MYO16: variants seen among roughly 807,000 people sequenced by gnomAD.
MYO16 encodes the protein unconventional myosin-XVI.
MYO16 carries 94 observed loss-of-function variants against 205.3 expected under a neutral mutation model. The ratio of observed to expected loss-of-function variants is 0.46; its 90% CI spans 0.39 to 0.54. The LOEUF is 0.54. Ranked by LOEUF, MYO16 falls within the 20% of genes least tolerant of loss-of-function variation. The pLI is 0.00. For missense variants in MYO16, 2,315 were observed against 2,387.5 expected (o/e 0.97, Z 0.63); for synonymous variants, 988 against 954.0 (o/e 1.04, Z -0.66).
chr13:108,753,061 T>C (rs1885293048), intron 4 of MYO16, among the ~76,000 whole-genome samples: 2 of 151,826 alleles, frequency 1.3e-5, no homozygotes, highest in Non-Finnish European at 2.9e-5. Context: ...AAAAAGATAA[T>C]AATGAAAATT....
intron 1 of MYO16, among the ~76,000 whole-genome samples, chr13:108,618,024 G>A (rs1879410485): frequency 6.6e-6 from 1 of 152,066 alleles, no homozygotes; most frequent in Non-Finnish European, 1.5e-5. Flanking sequence ...TCAAGCTATT[G>A]CTTCCTGAGA....
chr13:108,874,867 G>A (rs1879251505), intron 12 of MYO16, among the ~76,000 whole-genome samples: 1 of 152,080 alleles, frequency 6.6e-6, no homozygotes, highest in Non-Finnish European at 1.5e-5. Context: ...TGCGAAACCA[G>A]CAGCCCAGGG....
intron 7 of MYO16, among the ~76,000 whole-genome samples, chr13:108,812,258 C>T (rs1488664940): frequency 6.6e-6 from 1 of 152,138 alleles, no homozygotes; most frequent in East Asian, 1.9e-4. Context: ...ACAGCCTTAC[C>T]ACAACTTGCG....
intron 33 of MYO16, among the ~76,000 whole-genome samples, chr13:109,173,950 G>GGC (rs1555338663): frequency 3.4e-5 from 5 of 146,918 alleles, no homozygotes; most frequent in Non-Finnish European, 6.0e-5. Context: ...GTTTTGATGG[G>GGC]GGGGGGTACT....
At position 108,792,416 on chromosome 13, in the gene MYO16, G is replaced by A. The variant is rs192035459; in HGVS notation, c.617-1100G>A. On this transcript the variant is annotated intron_variant, in intron 5 of 34. Coordinates refer to ENST00000457511, the MANE Select transcript of MYO16 (RefSeq NM_001198950.3). ...TAATGTTAACACTCGCATAGCCATGGTACACTTATCAAAACTAAAAAGTTA... is the reference window on the plus strand; with the variant it reads ...TAATGTTAACACTCGCATAGCCATGATACACTTATCAAAACTAAAAAGTTA... 3.3e-5 allele frequency among the ~76,000 whole-genome samples: 5 copies of A among 151,972 alleles called. No individual in the cohort carries two copies. In the East Asian group the frequency reaches 7.7e-4, roughly 23 times the overall value.
intron 34 of MYO16, among the ~76,000 whole-genome samples, chr13:109,201,071 T>C (rs1222457499): frequency 1.3e-5 from 2 of 152,188 alleles, no homozygotes; most frequent in African/African-American, 4.8e-5. Context: ...TGCTTTACTT[T>C]GTCTTGTTAG....
At chr13:109,022,358 G>T (rs867656803) in intron 23 of MYO16, among the ~76,000 whole-genome samples, 6 of 64,472 alleles carry the variant, frequency 9.3e-5, no homozygotes, top group Admixed American at 2.1e-4. Flanking sequence ...AAATATATAT[G>T]TATATATGTA....
intron 2 of MYO16, among the ~76,000 whole-genome samples, chr13:108,683,635 C>A (rs1166609974): frequency 6.6e-6 from 1 of 152,182 alleles, no homozygotes; most frequent in Non-Finnish European, 1.5e-5. Context: ...ACAACTGCCT[C>A]TGTTTCCTTC....
chr13:108,707,584 A>C (rs1883560371), intron 2 of MYO16, among the ~76,000 whole-genome samples: 1 of 152,170 alleles, frequency 6.6e-6, no homozygotes, highest in Non-Finnish European at 1.5e-5. Flanking sequence ...CTTAATATGC[A>C]TGTATTGAGA....
intron 12 of MYO16, among the ~76,000 whole-genome samples, chr13:108,875,114 A>G (rs922364297): frequency 6.6e-6 from 1 of 152,222 alleles, no homozygotes. Flanking sequence ...ACTAGAGTCC[A>G]TCTAAGATTA....
intron 9 of MYO16, among the ~76,000 whole-genome samples, chr13:108,841,350 G>C (rs528321761): frequency 3.0e-4 from 45 of 152,248 alleles, no homozygotes; most frequent in Admixed American, 2.9e-3. Context: ...TGAAACATTT[G>C]GACATCCATA....
intron 16 of MYO16, among the ~76,000 whole-genome samples, chr13:108,930,383 GATGGTTAT>G (rs1192636058): frequency 2.6e-5 from 4 of 152,116 alleles, no homozygotes; most frequent in Non-Finnish European, 2.9e-5. Flanking sequence ...ATCAATAATA[GATGGTTAT>G]TTGACTTACA....
At chr13:108,850,110 T>C (rs963249882) in intron 10 of MYO16, among the ~76,000 whole-genome samples, 2 of 151,716 alleles carry the variant, frequency 1.3e-5, no homozygotes, top group Non-Finnish European at 2.9e-5. Flanking sequence ...CCAAATCCTG[T>C]TGAATTTCCT....
chr13:108,889,051 C>CAA (rs879777464), intron 14 of MYO16, among the ~76,000 whole-genome samples: 1 of 127,036 alleles, frequency 7.9e-6, no homozygotes, highest in South Asian at 2.5e-4. Flanking sequence ...AACTCTGTCT[C>CAA]AAAAAAAAAA....
At chr13:109,170,350 C>T (rs1309895141) in intron 33 of MYO16, among the ~76,000 whole-genome samples, 1 of 152,084 alleles carries the variant, frequency 6.6e-6, no homozygotes, top group Non-Finnish European at 1.5e-5. Flanking sequence ...ACTACACACA[C>T]TCTAGAATTA....
At position 108,654,348 on chromosome 13, in the gene MYO16, C is replaced by T. The variant is rs538784521; in HGVS notation, c.29-11538C>T. Among the ~76,000 whole-genome samples, 11 of 152,284 alleles carry T rather than the reference C, an allele frequency of 7.2e-5. No individual in the cohort carries two copies. The East Asian group carries it at 9.7e-4, about 13-fold the overall frequency. On this transcript the variant is annotated intron_variant, in intron 1 of 34. Coordinates refer to ENST00000457511, the MANE Select transcript of MYO16 (RefSeq NM_001198950.3). Reference sequence around the variant, plus strand: ...CTCGTGCTAGGAAGTCTCACGAGATCTGATGGTTTTATCAGGGGTTTGCAT... The same window carrying T: ...CTCGTGCTAGGAAGTCTCACGAGATTTGATGGTTTTATCAGGGGTTTGCAT...
intron 34 of MYO16, among the ~76,000 whole-genome samples, chr13:109,200,370 T>C (rs1566560599): frequency 6.6e-6 from 1 of 152,234 alleles, no homozygotes; most frequent in Non-Finnish European, 1.5e-5. Context: ...AAAATTTCCA[T>C]GAAATCCCTC....
chr13:108,811,091 G>A (rs1300094084), intron 7 of MYO16, among the ~76,000 whole-genome samples: 1 of 152,040 alleles, frequency 6.6e-6, no homozygotes, highest in Admixed American at 6.6e-5. Context: ...CAACAGAATT[G>A]GCAATACTAC....
At chr13:108,559,333 T>A in the MYO16 span, among the ~76,000 whole-genome samples, 3 of 152,052 alleles carry the variant, frequency 2.0e-5, no homozygotes, top group Non-Finnish European at 4.4e-5. Flanking sequence ...GAGCAGGTTT[T>A]CCCCTAGAAT....
Sources: allele counts gnomAD v4.1 joint callset (sites outside exome capture counted in the v4.1 genomes callset), GRCh38; gene constraint gnomAD v4.1.1; transcripts MANE v1.5; gene names NCBI Gene and HGNC (gene_info 2026-07-23, HGNC 2026-07-21).